FSTL4: variants seen among roughly 807,000 people sequenced by gnomAD.
FSTL4 encodes the protein follistatin-related protein 4.
A neutral mutation model predicts 78.2 loss-of-function variants in FSTL4; 28 were observed. The ratio of observed to expected loss-of-function variants is 0.36; its 90% CI spans 0.27 to 0.49. FSTL4 has a LOEUF of 0.49. Among genes scored for constraint, FSTL4 ranks in the 20% least tolerant of loss-of-function variants. FSTL4 has a pLI of 0.98. For synonymous variants in FSTL4, 422 were observed against 440.5 expected, an observed-to-expected ratio of 0.96 and a Z score of 0.53; for missense variants, 922 against 1,084.9, an observed-to-expected ratio of 0.85 and a Z score of 2.11.
the FSTL4 span, among the ~76,000 whole-genome samples, chr5:133,755,400 A>G: frequency 9.2e-5 from 14 of 152,168 alleles, no homozygotes; most frequent in Non-Finnish European, 1.8e-4. Flanking sequence ...TCCACCTGCT[A>G]TAGACAGGAT....
chr5:133,552,513 G>A (rs745615910), intron 3 of FSTL4, among the ~76,000 whole-genome samples: 6 of 152,142 alleles, frequency 3.9e-5, no homozygotes, highest in Non-Finnish European at 7.4e-5. Context: ...TGTATATTTG[G>A]ATATTTGAAT....
chr5:133,553,623 T>C (rs561303674), intron 3 of FSTL4, among the ~76,000 whole-genome samples: 1 of 152,304 alleles, frequency 6.6e-6, no homozygotes, highest in East Asian at 1.9e-4. Context: ...ATTGTGAGTG[T>C]TAAAATAAGT....
At chr5:133,255,142 A>G (rs532232774) in intron 6 of FSTL4, among the ~76,000 whole-genome samples, 1 of 152,280 alleles carries the variant, frequency 6.6e-6, no homozygotes, top group African/African-American at 2.4e-5. Context: ...TATGCCCAGC[A>G]CTCAGAGTGT....
chr5:133,748,583 A>G, the FSTL4 span, among the ~76,000 whole-genome samples: 1 of 152,178 alleles, frequency 6.6e-6, no homozygotes, highest in Admixed American at 6.5e-5. Context: ...ACACACACAC[A>G]CAAAATAAGA....
rs188911605 is a variant in FSTL4 at position 133,475,719 on chromosome 5, C to A, written c.161-74733G>T. On this transcript the variant is annotated intron_variant, in intron 3 of 15. Coordinates refer to ENST00000265342, the MANE Select transcript of FSTL4 (RefSeq NM_015082.2). ...TAAGTAATAGGCAAGTCGGAATTAT[C>A]GGGTGGTGCTTCCATCATGAGCTCC... Among the ~76,000 whole-genome samples, 96 of 152,300 alleles carry A rather than the reference C, an allele frequency of 6.3e-4. 1 individual carries two copies. Among genetic ancestry groups the A allele is most frequent in the Admixed American group, 1.4e-3 (21 of 15,300 alleles).
chr5:133,742,152 C>T, the FSTL4 span, among the ~76,000 whole-genome samples: 2 of 152,360 alleles, frequency 1.3e-5, no homozygotes, highest in East Asian at 1.9e-4. Flanking sequence ...GACACAGCAG[C>T]TCATTAATTT....
intron 3 of FSTL4, among the ~76,000 whole-genome samples, chr5:133,554,387 A>C (rs181532269): frequency 1.7e-4 from 26 of 152,264 alleles, no homozygotes; most frequent in African/African-American, 6.3e-4. Flanking sequence ...GATCCATGAC[A>C]CTCGCGTCCT....
At chr5:133,308,267 C>G (rs1385576895) in intron 6 of FSTL4, among the ~76,000 whole-genome samples, 4 of 152,202 alleles carry the variant, frequency 2.6e-5, no homozygotes, top group African/African-American at 9.7e-5. Flanking sequence ...TTGGCTTCAG[C>G]CAAAACTGAA....
chr5:133,355,043 G>C (rs1754913110), intron 4 of FSTL4, among the ~76,000 whole-genome samples: 1 of 152,194 alleles, frequency 6.6e-6, no homozygotes, highest in African/African-American at 2.4e-5. Context: ...GAACTCCTAA[G>C]GGCAGATTTT....
At chr5:133,261,935 T>G (rs1166556234) in intron 6 of FSTL4, among the ~76,000 whole-genome samples, 2 of 150,628 alleles carry the variant, frequency 1.3e-5, no homozygotes, top group African/African-American at 2.4e-5. Flanking sequence ...GAGGTTGTCG[T>G]GAGCTGAGAT....
chr5:133,628,359 T>G, the FSTL4 span, among the ~76,000 whole-genome samples: 6 of 135,140 alleles, frequency 4.4e-5, no homozygotes, highest in Non-Finnish European at 9.1e-5. Flanking sequence ...TTCTTTTCTT[T>G]TCTTTTCTTT....
chr5:133,531,556 T>C (rs1197756698), intron 3 of FSTL4, among the ~76,000 whole-genome samples: 1 of 152,212 alleles, frequency 6.6e-6, no homozygotes, highest in Admixed American at 6.5e-5. Context: ...AGAACATTTT[T>C]CTAAGCAGGC....
intron 3 of FSTL4, among the ~76,000 whole-genome samples, chr5:133,495,855 T>C (rs1758358041): frequency 6.6e-6 from 1 of 151,970 alleles, no homozygotes; most frequent in South Asian, 2.1e-4. Flanking sequence ...ATGATCAAGG[T>C]GGTTAGAATT....
At chr5:133,376,553 C>T (rs1362451017) in intron 4 of FSTL4, among the ~76,000 whole-genome samples, 3 of 152,036 alleles carry the variant, frequency 2.0e-5, no homozygotes, top group East Asian at 3.9e-4. Context: ...AAAAAAAACA[C>T]ACACACTCCA....
intron 4 of FSTL4, among the ~76,000 whole-genome samples, chr5:133,363,829 C>A (rs1755121271): frequency 6.6e-6 from 1 of 152,176 alleles, no homozygotes; most frequent in Non-Finnish European, 1.5e-5. Context: ...ACCCTGCCCA[C>A]CCCTGTCTTT....
chr5:133,744,358 G>A, the FSTL4 span, among the ~76,000 whole-genome samples: 235 of 152,240 alleles, frequency 1.5e-3, no homozygotes, highest in African/African-American at 5.1e-3. Context: ...TAGTCCTTGC[G>A]TCAGGGATGA....
the FSTL4 span, among the ~76,000 whole-genome samples, chr5:133,661,627 A>G: frequency 6.6e-6 from 1 of 152,252 alleles, no homozygotes; most frequent in Non-Finnish European, 1.5e-5. Context: ...TTAGAAAGGT[A>G]TTTTGAATAG....
At chr5:133,341,486 C>T (rs79825374) in intron 4 of FSTL4, among the ~76,000 whole-genome samples, 3,037 of 152,102 alleles carry the variant, frequency 0.02, 88 homozygotes, top group African/African-American at 0.068. Context: ...CCACCAAGCC[C>T]CTGTGTGAGT....
chr5:133,775,359 T>G, the FSTL4 span, among the ~76,000 whole-genome samples: 1 of 152,186 alleles, frequency 6.6e-6, no homozygotes, highest in African/African-American at 2.4e-5. Flanking sequence ...CAGTAAGCCC[T>G]GGCAAAGACC....
Sources: allele counts gnomAD v4.1 joint callset (sites outside exome capture counted in the v4.1 genomes callset), GRCh38; gene constraint gnomAD v4.1.1; transcripts MANE v1.5; gene names NCBI Gene and HGNC (gene_info 2026-07-23, HGNC 2026-07-21).